MYO1H: variants seen among roughly 807,000 people sequenced by gnomAD.
MYO1H encodes unconventional myosin-Ih.
Under a neutral mutation model 149.3 loss-of-function variants are expected in MYO1H, and 118 were observed. The observed-to-expected ratio is 0.79, with a 90% CI of 0.68 to 0.92. MYO1H has a LOEUF of 0.92. Among genes scored for constraint, MYO1H ranks in the 40% least tolerant of loss-of-function variants. The pLI is 0.00. For missense variants in MYO1H, 1,212 were observed against 1,280.7 expected (o/e 0.95, Z 0.82); for synonymous variants, 447 against 465.2 (o/e 0.96, Z 0.50).
exon 2 of MYO1H, chr12:109,388,751 C>T: frequency 8.1e-6 from 13 of 1,612,794 alleles, no homozygotes; most frequent in Non-Finnish European, 1.1e-5. Context: ...GGGACAAGGT[C>T]GGGGTTCAGG....
chr12:109,354,630 AAAAAG>A lies in MYO1H; in HGVS notation c.12+6672_12+6676del, dbSNP rs1555247912. On this transcript the variant is annotated intron_variant, in intron 1 of 31. Transcript: ENST00000310903. ...GCGAGACTCTGTCTAAAAAAAAAAA[AAAAAG>A]AAAAGAAAAGAAATCCCAGCCTGCA... Among the ~76,000 whole-genome samples, 277 of 134,044 alleles carry A rather than the reference AAAAAG, an allele frequency of 2.1e-3. 2 individuals are homozygous for A. The highest frequency in any genetic ancestry group is 7.7e-3 in the African/African-American group (262 of 34,078). 87.9% of individuals were successfully genotyped at this position (134,044 alleles called of 152,430 possible). A position where few individuals can be genotyped will look rare whatever the true frequency, so the allele number is the denominator to read the frequency against.
chr12:109,441,573 C>A lies in MYO1H; in HGVS notation c.2539-42C>A, dbSNP rs747977567. The A allele has an allele frequency of 1.9e-5, 27 of 1,406,334 alleles. No individual in the cohort carries two copies. In the South Asian group the frequency reaches 2.0e-4, roughly 11 times the overall value. The allele number at this position is 1,406,334 out of a possible 1,614,324, so 87.1% of individuals were successfully genotyped here. A position where few individuals can be genotyped will look rare whatever the true frequency, so the allele number is the denominator to read the frequency against. ...CTAGAGCTCTTCTATCCCAAAGAAGCCTGTGGCTACCATTTTTATACTTTC... is the reference window on the plus strand; with the variant it reads ...CTAGAGCTCTTCTATCCCAAAGAAGACTGTGGCTACCATTTTTATACTTTC... On this transcript the variant is annotated intron_variant, in intron 25 of 31. Transcript: ENST00000310903.
chr12:109,440,925 G>A (rs1872097464), intron 25 of MYO1H, 98 bp downstream of exon 25: 1 of 884,818 alleles, frequency 1.1e-6, no homozygotes. Context: ...CCTATAAGCG[G>A]GGGTCATGCT....
intron 10 of MYO1H, among the ~76,000 whole-genome samples, chr12:109,408,363 T>G (rs112784090): frequency 1.1e-4 from 16 of 152,110 alleles, no homozygotes; most frequent in African/African-American, 3.6e-4. Context: ...TTTGTAGAGA[T>G]GAGGTCTTGC....
chr12:109,393,813 T>C (rs1035298076), intron 3 of MYO1H, among the ~76,000 whole-genome samples: 4 of 152,136 alleles, frequency 2.6e-5, no homozygotes, highest in Non-Finnish European at 5.9e-5. Flanking sequence ...CTTTAGAGGG[T>C]CTTTATGGAA....
At chr12:109,347,790 A>C (rs772384563), upstream of MYO1H, 1 of 393,672 alleles carries the variant, frequency 2.5e-6, no homozygotes, top group Non-Finnish European at 4.5e-6. Flanking sequence ...CATAAGATGC[A>C]GTTTCTGCCT....
intron 20 of MYO1H, among the ~76,000 whole-genome samples, chr12:109,433,740 A>C (rs573872569): frequency 6.7e-6 from 1 of 149,972 alleles, no homozygotes; most frequent in African/African-American, 2.5e-5. Context: ...GGCCTGTTCC[A>C]AGGATCAGTT....
the MYO1H span, among the ~76,000 whole-genome samples, chr12:109,328,675 G>C: frequency 6.7e-6 from 1 of 149,474 alleles, no homozygotes; most frequent in African/African-American, 2.5e-5. Flanking sequence ...CTCTAAAAAT[G>C]GATTTTCTTC....
chr12:109,404,137 A>G (rs954104579), intron 7 of MYO1H, 57 bp downstream of exon 7: 3 of 1,343,776 alleles, frequency 2.2e-6, no homozygotes, highest in Non-Finnish European at 3.2e-6. Flanking sequence ...AAACATTCCT[A>G]ATTTCTTGGT....
chr12:109,318,972 G>GTTTTTGTTTTTTT, the MYO1H span, among the ~76,000 whole-genome samples: 55 of 77,244 alleles, frequency 7.1e-4, no homozygotes, highest in Non-Finnish European at 8.4e-4. Context: ...TTTTGGTTTT[G>GTTTTTGTTTTTTT]TTTTTTTTTT....
the MYO1H span, among the ~76,000 whole-genome samples, chr12:109,319,248 T>A: frequency 6.6e-6 from 1 of 152,180 alleles, no homozygotes; most frequent in African/African-American, 2.4e-5. Context: ...ATATTCAGTC[T>A]TAACAAGGAA....
At chr12:109,384,352 G>GATTTA (rs970023499) in intron 1 of MYO1H, among the ~76,000 whole-genome samples, 2 of 152,254 alleles carry the variant, frequency 1.3e-5, no homozygotes, top group Admixed American at 1.3e-4. Flanking sequence ...AACTTAATTT[G>GATTTA]ATTTAATTTA....
At chr12:109,418,658 C>T (rs1871034529) in intron 15 of MYO1H, among the ~76,000 whole-genome samples, 1 of 151,688 alleles carries the variant, frequency 6.6e-6, no homozygotes, top group Non-Finnish European at 1.5e-5. Flanking sequence ...GCACCATTCT[C>T]CTGCCTCAGC....
At chr12:109,424,385 C>G (rs1254561860) in intron 16 of MYO1H, among the ~76,000 whole-genome samples, 1 of 152,154 alleles carries the variant, frequency 6.6e-6, no homozygotes, top group Non-Finnish European at 1.5e-5. Flanking sequence ...AACTCCTGGG[C>G]TCAAGCCATC....
chr12:109,442,223 G>A (rs377103842), exon 27 of MYO1H: 1 of 1,613,780 alleles, frequency 6.2e-7, no homozygotes. Flanking sequence ...CTAGATGAAG[G>A]AGACATTAAT....
rs1471234156 is a variant in MYO1H at position 109,406,043 on chromosome 12, T to A, written c.963+8T>A. On this transcript the variant is annotated splice_region_variant and intron_variant, in intron 8 of 31. Coordinates refer to ENST00000310903, the Ensembl canonical transcript of MYO1H. ...ATCAAGTGGATAGCCAAGGTGATGC[T>A]CCTCTTTTGGAGAGGACAGAAGGAG... 3 of 1,596,448 alleles carry A rather than the reference T, an allele frequency of 1.9e-6. No individual in the cohort carries two copies. The highest frequency in any genetic ancestry group is 2.2e-5 in the South Asian group (2 of 90,648).
At chr12:109,438,164 A>G (rs1871950858) in intron 22 of MYO1H, among the ~76,000 whole-genome samples, 1 of 151,838 alleles carries the variant, frequency 6.6e-6, no homozygotes, top group South Asian at 2.1e-4. Context: ...GTGTACCCCA[A>G]TTTTTAAATG....
At chr12:109,328,545 A>C in the MYO1H span, among the ~76,000 whole-genome samples, 1 of 152,184 alleles carries the variant, frequency 6.6e-6, no homozygotes, top group East Asian at 1.9e-4. Context: ...GTGCAGTTAC[A>C]GAATAGGTCA....
At chr12:109,350,261 A>G (rs1264366394) in intron 1 of MYO1H, among the ~76,000 whole-genome samples, 1 of 152,144 alleles carries the variant, frequency 6.6e-6, no homozygotes, top group Non-Finnish European at 1.5e-5. Flanking sequence ...TAGGGAATCC[A>G]TAAACTCCTG....
Sources: gnomAD v4.1 joint callset for allele counts (sites outside exome capture counted in the v4.1 genomes callset) on GRCh38, gnomAD v4.1.1 for gene constraint, MANE v1.5 for transcripts, NCBI Gene and HGNC (gene_info 2026-07-23, HGNC 2026-07-21) for gene names.